SPAG16: variants seen among roughly 807,000 people sequenced by gnomAD.
SPAG16 encodes the protein sperm-associated antigen 16 protein.
In SPAG16, 86 loss-of-function variants were observed where a neutral mutation model predicts 80.4. The ratio of observed to expected loss-of-function variants is 1.07; its 90% CI spans 0.90 to 1.28. The LOEUF (loss-of-function observed/expected upper bound fraction) is 1.28. SPAG16 is among the 50% of genes most tolerant of loss of function. SPAG16 has a pLI of 0.00. For missense variants in SPAG16, 870 were observed against 765.3 expected (o/e 1.14, Z -1.61); for synonymous variants, 294 against 265.9 (o/e 1.11, Z -1.03).
chr2:213,866,557 A>C (rs2075691597), intron 11 of SPAG16, among the ~76,000 whole-genome samples: 1 of 144,758 alleles, frequency 6.9e-6, no homozygotes, highest in African/African-American at 2.9e-5. Flanking sequence ...CCATGTGTTG[A>C]AATTGATTAG....
At chr2:213,788,222 ATAAAT>A (rs2070462526) in intron 10 of SPAG16, among the ~76,000 whole-genome samples, 1 of 151,966 alleles carries the variant, frequency 6.6e-6, no homozygotes, top group South Asian at 2.1e-4. Flanking sequence ...TAAGAGTTAA[ATAAAT>A]TATAATACAT....
chr2:213,313,124 T>C (rs1317103804), intron 4 of SPAG16, among the ~76,000 whole-genome samples: 1 of 151,856 alleles, frequency 6.6e-6, no homozygotes, highest in East Asian at 1.9e-4. Context: ...AACACAGGAA[T>C]GTAGTGACTC....
At chr2:213,394,094 A>C (rs1439204671) in intron 9 of SPAG16, among the ~76,000 whole-genome samples, 3 of 152,102 alleles carry the variant, frequency 2.0e-5, no homozygotes, top group Non-Finnish European at 2.9e-5. Context: ...AAAACTAATC[A>C]GTACTTTCTT....
chr2:213,864,718 AC>A (rs1050294638), intron 11 of SPAG16, among the ~76,000 whole-genome samples: 1 of 152,100 alleles, frequency 6.6e-6, no homozygotes, highest in Non-Finnish European at 1.5e-5. Flanking sequence ...GGTAGCTGAC[AC>A]TGTCAGGCAC....
intron 13 of SPAG16, among the ~76,000 whole-genome samples, chr2:214,056,783 T>C: frequency 6.6e-6 from 1 of 152,192 alleles, no homozygotes; most frequent in East Asian, 1.9e-4. Flanking sequence ...TCTTTAAAAA[T>C]TGGAGTCAAT....
At chr2:213,673,467 A>G (rs1172432390) in intron 10 of SPAG16, among the ~76,000 whole-genome samples, 2 of 152,196 alleles carry the variant, frequency 1.3e-5, no homozygotes, top group Non-Finnish European at 2.9e-5. Flanking sequence ...CTGTCTATTA[A>G]TAAAAGACTA....
intron 15 of SPAG16, among the ~76,000 whole-genome samples, chr2:214,301,930 A>G (rs1208836899): frequency 1.3e-5 from 2 of 152,030 alleles, no homozygotes; most frequent in Non-Finnish European, 2.9e-5. Context: ...AAATTTTTTC[A>G]TAGCACTGAG....
chr2:214,309,063 GT>G (rs1330712327), intron 15 of SPAG16, among the ~76,000 whole-genome samples: 9 of 151,796 alleles, frequency 5.9e-5, no homozygotes, highest in South Asian at 4.2e-4. Context: ...AATCCCATAT[GT>G]CTCAGAGGTT....
chr2:214,292,068 T>C (rs1693843927), intron 15 of SPAG16, among the ~76,000 whole-genome samples: 1 of 152,208 alleles, frequency 6.6e-6, no homozygotes, highest in Non-Finnish European at 1.5e-5. Flanking sequence ...ACTTTGAATA[T>C]GTTATTCCAT....
intron 12 of SPAG16, among the ~76,000 whole-genome samples, chr2:213,933,617 G>A (rs941610202): frequency 6.6e-6 from 1 of 152,186 alleles, no homozygotes; most frequent in African/African-American, 2.4e-5. Context: ...TTTTAACAAG[G>A]TGTTACACAG....
intron 9 of SPAG16, among the ~76,000 whole-genome samples, chr2:213,416,327 C>G (rs1308322601): frequency 6.6e-6 from 1 of 152,208 alleles, no homozygotes; most frequent in African/African-American, 2.4e-5. Context: ...CAGAATGTAT[C>G]AGGGACCAGA....
chr2:214,039,407 A>G (rs1298248830), intron 13 of SPAG16, among the ~76,000 whole-genome samples: 3 of 152,214 alleles, frequency 2.0e-5, no homozygotes, highest in African/African-American at 7.2e-5. Context: ...CTTCATGTCT[A>G]AAACACCAAA....
At chr2:213,404,112 C>A (rs1365814242) in intron 9 of SPAG16, among the ~76,000 whole-genome samples, 5 of 152,052 alleles carry the variant, frequency 3.3e-5, no homozygotes, top group Non-Finnish European at 7.4e-5. Context: ...GAATCAATAT[C>A]ATGAAAATGG....
chr2:213,392,740 G>A (rs941722499), intron 9 of SPAG16, among the ~76,000 whole-genome samples: 2 of 151,726 alleles, frequency 1.3e-5, no homozygotes, highest in African/African-American at 4.8e-5. Flanking sequence ...TCAGCTACTC[G>A]GGAGGCTGAA....
chr2:213,530,510 A>G (rs373807229), intron 10 of SPAG16, among the ~76,000 whole-genome samples: 12 of 152,340 alleles, frequency 7.9e-5, no homozygotes, highest in Non-Finnish European at 1.6e-4. Context: ...TAAAAAGTCA[A>G]GTAGGACCAG....
chr2:214,379,877 G>T (rs932982298), intron 15 of SPAG16, among the ~76,000 whole-genome samples: 2 of 152,124 alleles, frequency 1.3e-5, no homozygotes, highest in Non-Finnish European at 2.9e-5. Flanking sequence ...TCTGTTTCTG[G>T]GAATCCTTTG....
chr2:213,933,806 GT>G (rs1466727164), intron 12 of SPAG16, among the ~76,000 whole-genome samples: 3 of 152,172 alleles, frequency 2.0e-5, no homozygotes, highest in African/African-American at 7.2e-5. Context: ...TAAGAACTGT[GT>G]TTACTTTAAT....
intron 10 of SPAG16, among the ~76,000 whole-genome samples, chr2:213,674,339 A>C (rs1421186360): frequency 6.6e-6 from 1 of 151,710 alleles, no homozygotes; most frequent in Non-Finnish European, 1.5e-5. Context: ...TTGTAATCTA[A>C]AATTGTCCAG....
At chr2:213,926,177 G>A (rs2078468909) in intron 11 of SPAG16, among the ~76,000 whole-genome samples, 1 of 151,990 alleles carries the variant, frequency 6.6e-6, no homozygotes, top group Non-Finnish European at 1.5e-5. Context: ...CACCTATACT[G>A]TGTTCAGTTC....
Sources: allele counts gnomAD v4.1 joint callset (sites outside exome capture counted in the v4.1 genomes callset), GRCh38; gene constraint gnomAD v4.1.1; transcripts MANE v1.5; gene names NCBI Gene and HGNC (gene_info 2026-07-23, HGNC 2026-07-21).